TENM4: variants seen among roughly 807,000 people sequenced by gnomAD.
TENM4 encodes the protein teneurin-4.
In TENM4, 82 loss-of-function variants were observed where a neutral mutation model predicts 243.3. The ratio of observed to expected loss-of-function variants is 0.34; its 90% confidence interval spans 0.28 to 0.40. The LOEUF (loss-of-function observed/expected upper bound fraction) is 0.40. TENM4 is among the 10% of genes least tolerant of loss of function. The probability of loss-of-function intolerance (pLI) is 1.00; values close to 1 mark genes in which losing one functional copy is unlikely to be tolerated. For missense variants in TENM4, 3,138 were observed against 3,673.3 expected, an observed-to-expected ratio of 0.85 and a Z score of 3.77; for synonymous variants, 1,412 against 1,456.3, an observed-to-expected ratio of 0.97 and a Z score of 0.69.
chr11:79,143,689 A>G (rs1364185880), intron 4 of TENM4, among the ~76,000 whole-genome samples: 2 of 151,668 alleles, frequency 1.3e-5, no homozygotes, highest in South Asian at 2.1e-4. Context: ...AAATAAATAA[A>G]TAAAATAAAA....
intron 9 of TENM4, among the ~76,000 whole-genome samples, chr11:78,889,218 A>G (rs1484004557): frequency 6.6e-6 from 1 of 152,144 alleles, no homozygotes; most frequent in African/African-American, 2.4e-5. Flanking sequence ...TCTGCTTCTC[A>G]GTCAGAATTT....
chr11:78,736,479 T>TGTGTGTGTGTGTGTGTGTGTGTGC (rs796898751), intron 20 of TENM4, among the ~76,000 whole-genome samples: 1 of 99,334 alleles, frequency 1.0e-5, no homozygotes, highest in East Asian at 2.8e-4. Flanking sequence ...TGTGTGTGTG[T>TGTGTGTGTGTGTGTGTGTGTGTGC]GCGCGCGCGT....
At chr11:78,966,525 G>A (rs71471431) in intron 6 of TENM4, among the ~76,000 whole-genome samples, 8 of 152,194 alleles carry the variant, frequency 5.3e-5, no homozygotes, top group Non-Finnish European at 8.8e-5. Flanking sequence ...AAGGGAGCTG[G>A]AAGGAGGGGA....
intron 4 of TENM4, among the ~76,000 whole-genome samples, chr11:79,074,484 T>C (rs1355277503): frequency 1.3e-5 from 2 of 152,352 alleles, no homozygotes; most frequent in East Asian, 3.9e-4. Context: ...CACCAACCTC[T>C]GGGTTCCCCA....
At chr11:79,138,584 ATACATAAAAC>A (rs1453066276) in intron 4 of TENM4, among the ~76,000 whole-genome samples, 1,562 of 78,566 alleles carry the variant, frequency 0.02, 58 homozygotes, top group East Asian at 0.03. Context: ...ATTTATATAA[ATACATAAAAC>A]ATATATTATA....
In TENM4 at chr11:78,860,247, G is replaced by A. The variant is rs535611823; in HGVS notation, c.1255+2715C>T. ...ATGGGATTTGAGTGGATAAGAAGAA[G>A]AGAACAAATATTTGTTGAGTGCCAC... On this transcript the variant is annotated intron_variant, in intron 10 of 33. Coordinates refer to ENST00000278550, the MANE Select transcript of TENM4 (RefSeq NM_001098816.3). Among the ~76,000 whole-genome samples, 3 of 152,280 alleles carry A rather than the reference G, an allele frequency of 2.0e-5. No individual in the cohort carries two copies. In the South Asian group the frequency reaches 6.2e-4, roughly 32 times the overall value.
chr11:79,172,099 G>A (rs190560059), intron 3 of TENM4, among the ~76,000 whole-genome samples: 3 of 152,116 alleles, frequency 2.0e-5, no homozygotes, highest in African/African-American at 4.8e-5. Context: ...CTACAGGCAC[G>A]TGCCACCACA....
intron 6 of TENM4, among the ~76,000 whole-genome samples, chr11:79,058,599 T>C (rs958780651): frequency 1.3e-5 from 2 of 151,856 alleles, no homozygotes; most frequent in Non-Finnish European, 2.9e-5. Context: ...TGGATCTGGA[T>C]TCACACCCTG....
At chr11:78,925,120 T>G (rs1429819752) in intron 6 of TENM4, among the ~76,000 whole-genome samples, 1 of 152,242 alleles carries the variant, frequency 6.6e-6, no homozygotes, top group Non-Finnish European at 1.5e-5. Context: ...ATTCTAACTC[T>G]GATCTCTTGA....
chr11:78,769,258 T>TA (rs1269798100), intron 18 of TENM4, among the ~76,000 whole-genome samples: 2 of 152,230 alleles, frequency 1.3e-5, no homozygotes, highest in Admixed American at 6.5e-5. Context: ...AGAGCAAATA[T>TA]AAATACACTT....
At chr11:78,948,666 C>T (rs1018234331) in intron 6 of TENM4, among the ~76,000 whole-genome samples, 4 of 152,096 alleles carry the variant, frequency 2.6e-5, no homozygotes, top group African/African-American at 4.8e-5. Flanking sequence ...CCACTGCGCC[C>T]GGCCCCCAAC....
At chr11:79,066,028 A>G (rs1197426239) in intron 5 of TENM4, among the ~76,000 whole-genome samples, 3 of 152,222 alleles carry the variant, frequency 2.0e-5, no homozygotes, top group Admixed American at 2.0e-4. Context: ...AGTTATAATC[A>G]GGCAGAACCC....
At chr11:79,145,374 C>T (rs1862377707) in intron 4 of TENM4, among the ~76,000 whole-genome samples, 1 of 152,036 alleles carries the variant, frequency 6.6e-6, no homozygotes, top group South Asian at 2.1e-4. Context: ...CTAGAGAGCC[C>T]CTTTGCACTC....
intron 32 of TENM4, among the ~76,000 whole-genome samples, chr11:78,662,339 C>T (rs1276495843): frequency 2.6e-5 from 4 of 151,892 alleles, no homozygotes. Flanking sequence ...TATAGGTGCC[C>T]GTCACCAGGC....
chr11:79,242,995 G>T (rs781731457), intron 2 of TENM4, among the ~76,000 whole-genome samples: 1 of 152,174 alleles, frequency 6.6e-6, no homozygotes, highest in Admixed American at 6.5e-5. Flanking sequence ...GGGCCTGGGG[G>T]CTAGGAAGGG....
intron 3 of TENM4, among the ~76,000 whole-genome samples, chr11:79,188,868 G>A (rs556124295): frequency 4.0e-4 from 61 of 152,256 alleles, no homozygotes; most frequent in Middle Eastern, 6.8e-3. Flanking sequence ...CAGATGTGGG[G>A]AAATCTTCGC....
At chr11:79,122,772 A>C (rs1166138008) in intron 4 of TENM4, among the ~76,000 whole-genome samples, 1 of 152,230 alleles carries the variant, frequency 6.6e-6, no homozygotes, top group Non-Finnish European at 1.5e-5. Context: ...CCCCCACTAA[A>C]GGAACTGATT....
At chr11:79,138,174 A>C (rs1159696917) in intron 4 of TENM4, among the ~76,000 whole-genome samples, 2 of 150,390 alleles carry the variant, frequency 1.3e-5, no homozygotes, top group South Asian at 4.2e-4. Flanking sequence ...CTCATGCTGG[A>C]TGCTTCCTGC....
At chr11:78,920,099 G>A (rs1035434213) in intron 6 of TENM4, among the ~76,000 whole-genome samples, 5 of 152,130 alleles carry the variant, frequency 3.3e-5, no homozygotes, top group Non-Finnish European at 5.9e-5. Flanking sequence ...TAGTAGGTGC[G>A]AATGTTAGTG....
Sources: allele counts gnomAD v4.1 joint callset (sites outside exome capture counted in the v4.1 genomes callset), GRCh38; gene constraint gnomAD v4.1.1; transcripts MANE v1.5; gene names NCBI Gene and HGNC (gene_info 2026-07-23, HGNC 2026-07-21).